Variants in ZPBP observed in about 807,000 individuals in gnomAD.
ZPBP encodes zona pellucida-binding protein 1.
In ZPBP, 26 loss-of-function variants were observed where a neutral mutation model predicts 44.8. The observed-to-expected ratio is 0.58, with a 90% CI of 0.43 to 0.81. The LOEUF (loss-of-function observed/expected upper bound fraction) is 0.81. Among genes scored for constraint, ZPBP ranks in the 30% least tolerant of loss-of-function variants. The pLI is 0.00. For missense variants in ZPBP, 409 were observed against 434.0 expected (o/e 0.94, Z 0.51); for synonymous variants, 174 against 153.2 (o/e 1.14, Z -1.00).
At chr7:49,858,699 T>C (rs1159040082) in intron 2 of ZPBP, among the ~76,000 whole-genome samples, 1 of 149,716 alleles carries the variant, frequency 6.7e-6, no homozygotes, top group African/African-American at 2.6e-5. Flanking sequence ...ACTTAAAGTA[T>C]AATAATAATA....
chr7:49,863,003 C>T (rs1316786661), intron 2 of ZPBP, among the ~76,000 whole-genome samples: 1 of 152,024 alleles, frequency 6.6e-6, no homozygotes, highest in African/African-American at 2.4e-5. Flanking sequence ...TGTATTCCTC[C>T]CTCTTCTATT....
chr7:49,994,172 A>C (rs1034826653), intron 6 of ZPBP, among the ~76,000 whole-genome samples: 1 of 152,156 alleles, frequency 6.6e-6, no homozygotes, highest in South Asian at 2.1e-4. Flanking sequence ...TGCATTGCCC[A>C]AAGTTTTCCC....
intron 1 of ZPBP, among the ~76,000 whole-genome samples, chr7:50,092,225 G>A (rs1436822888): frequency 6.6e-6 from 1 of 152,080 alleles, no homozygotes; most frequent in Non-Finnish European, 1.5e-5. Flanking sequence ...CTCCTACATG[G>A]CAATTGATGG....
chr7:50,069,258 A>G (rs975938263), intron 3 of ZPBP, among the ~76,000 whole-genome samples: 1 of 151,928 alleles, frequency 6.6e-6, no homozygotes, highest in African/African-American at 2.4e-5. Flanking sequence ...TTCTTGCAAA[A>G]CTGGTTTTTC....
the ZPBP span, among the ~76,000 whole-genome samples, chr7:49,841,432 G>T: frequency 6.6e-6 from 1 of 152,192 alleles, no homozygotes; most frequent in East Asian, 1.9e-4. Flanking sequence ...TGAATTGGTG[G>T]AATTTAAGGT....
chr7:49,963,380 G>GAAAT (rs1408232105), intron 7 of ZPBP, among the ~76,000 whole-genome samples: 1 of 151,628 alleles, frequency 6.6e-6, no homozygotes, highest in African/African-American at 2.4e-5. Context: ...TAACTCTTAT[G>GAAAT]TATTTACTCA....
the ZPBP span, among the ~76,000 whole-genome samples, chr7:49,841,473 A>T: frequency 6.6e-6 from 1 of 152,200 alleles, no homozygotes; most frequent in Non-Finnish European, 1.5e-5. Context: ...ATGGATATAA[A>T]ATTTTCACTT....
At chr7:49,879,517 C>T (rs1382928419) in intron 2 of ZPBP, among the ~76,000 whole-genome samples, 1 of 152,150 alleles carries the variant, frequency 6.6e-6, no homozygotes, top group African/African-American at 2.4e-5. Flanking sequence ...ATCACCAAAT[C>T]AAGTTGAGCG....
chr7:50,024,287 C>A (rs1426464534), intron 5 of ZPBP, among the ~76,000 whole-genome samples: 2 of 151,882 alleles, frequency 1.3e-5, no homozygotes, highest in African/African-American at 4.8e-5. Flanking sequence ...ACCATTTGAC[C>A]AAGCAATCCC....
intron 2 of ZPBP, among the ~76,000 whole-genome samples, chr7:50,083,838 T>C (rs932974876): frequency 6.6e-6 from 1 of 151,934 alleles, no homozygotes; most frequent in South Asian, 2.1e-4. Flanking sequence ...AAATTCCAGG[T>C]ACACTGAATA....
chr7:49,937,521 T>C lies in ZPBP; in HGVS notation c.*7A>G, dbSNP rs751958455. The C allele has an allele frequency of 4.4e-6, 7 of 1,604,056 alleles. No individual in the cohort carries two copies. The highest frequency in any genetic ancestry group is 6.0e-6 in the Non-Finnish European group (7 of 1,170,882). On this transcript the variant is annotated 3_prime_UTR_variant, in exon 8 of 8. Coordinates refer to ENST00000046087, the MANE Select transcript of ZPBP (RefSeq NM_007009.3). ...TAATAAACCACTGAATAACTGAAGA[T>C]AATGGCTTATAAGCACGTTTTTGCT...
intron 2 of ZPBP, among the ~76,000 whole-genome samples, chr7:49,870,141 C>G (rs973732175): frequency 6.6e-6 from 1 of 152,192 alleles, no homozygotes; most frequent in Non-Finnish European, 1.5e-5. Context: ...TGGCTCATAC[C>G]TGTAATCCCA....
chr7:49,994,711 G>T (rs532018483), intron 6 of ZPBP, among the ~76,000 whole-genome samples: 2 of 152,194 alleles, frequency 1.3e-5, no homozygotes, highest in South Asian at 4.2e-4. Flanking sequence ...CACATATTAG[G>T]GCCTGTCAAG....
intron 4 of ZPBP, among the ~76,000 whole-genome samples, chr7:50,034,987 A>G (rs1799766406): frequency 1.3e-5 from 2 of 152,216 alleles, no homozygotes. Flanking sequence ...CTTAGCCTCT[A>G]TTTGCCCGAT....
In ZPBP at chr7:49,904,492, G is replaced by C. The variant is rs1469105637; in HGVS notation, n.412-3277C>G. Among the ~76,000 whole-genome samples the C allele has an allele frequency of 1.1e-4, 17 of 152,134 alleles. No homozygotes were observed. The East Asian group carries it at 3.3e-3, about 29-fold the overall frequency. ...TAGATACACATGTTTAGAGGGACTTGGTTGAAACAATCTCACAACTTGATT... is the reference window on the plus strand; with the variant it reads ...TAGATACACATGTTTAGAGGGACTTCGTTGAAACAATCTCACAACTTGATT... On this transcript the variant is annotated intron_variant and non_coding_transcript_variant, in intron 1 of 2. Transcript: ENST00000465922.
intron 6 of ZPBP, among the ~76,000 whole-genome samples, chr7:49,984,891 T>C (rs1797188749): frequency 6.6e-6 from 1 of 152,174 alleles, no homozygotes; most frequent in Admixed American, 6.5e-5. Context: ...TGTCATTTTG[T>C]TATAATGTTG....
At chr7:49,956,110 TA>T (rs1461170353) in intron 7 of ZPBP, among the ~76,000 whole-genome samples, 1 of 152,126 alleles carries the variant, frequency 6.6e-6, no homozygotes, top group African/African-American at 2.4e-5. Flanking sequence ...GCAAAGAGAT[TA>T]AAGTGAATTT....
chr7:49,976,979 G>A (rs1796546552), intron 7 of ZPBP, among the ~76,000 whole-genome samples: 1 of 152,032 alleles, frequency 6.6e-6, no homozygotes, highest in Admixed American at 6.6e-5. Context: ...GTGGGCGCCT[G>A]TAGTCCCAGC....
At chr7:50,087,987 A>C (rs189080609) in intron 2 of ZPBP, among the ~76,000 whole-genome samples, 12 of 152,194 alleles carry the variant, frequency 7.9e-5, no homozygotes, top group African/African-American at 2.9e-4. Flanking sequence ...CAATCTTGAA[A>C]AGAACAAATT....
Sources: gnomAD v4.1 joint callset for allele counts (sites outside exome capture counted in the v4.1 genomes callset) on GRCh38, gnomAD v4.1.1 for gene constraint, MANE v1.5 for transcripts, NCBI Gene and HGNC (gene_info 2026-07-23, HGNC 2026-07-21) for gene names.